Variants in FAM168B observed in about 807,000 individuals in gnomAD.
FAM168B encodes family with sequence similarity 168 member B.
FAM168B carries 19 observed loss-of-function variants against 21.8 expected under a neutral mutation model. The ratio of observed to expected loss-of-function variants is 0.87; its 90% confidence interval spans 0.61 to 1.28. FAM168B has a LOEUF of 1.28. FAM168B is among the 50% of genes most tolerant of loss of function. The pLI is 0.00. For missense variants in FAM168B, 233 were observed against 263.1 expected, an observed-to-expected ratio of 0.89 and a Z score of 0.79; for synonymous variants, 126 against 104.8, an observed-to-expected ratio of 1.20 and a Z score of -1.24.
chr2:131,049,755 T>G lies in FAM168B; in HGVS notation c.*2710A>C. ...TAATTCAGCTGAAGGACTCCCAAATTAGGAATGTCAAACACACAAAAAGCA... is the reference window on the plus strand; with the variant it reads ...TAATTCAGCTGAAGGACTCCCAAATGAGGAATGTCAAACACACAAAAAGCA... On this transcript the variant is annotated 3_prime_UTR_variant, in exon 7 of 7. Coordinates refer to ENST00000389915, the MANE Select transcript of FAM168B (RefSeq NM_001009993.4). 3.0e-6 allele frequency: 3 copies of G among 985,866 alleles called. No individual in the cohort carries two copies. In the African/African-American group the frequency reaches 5.2e-5, roughly 17 times the overall value. The allele number at this position is 985,866 out of a possible 1,614,324, so 61.1% of individuals were successfully genotyped here.
At position 131,049,330 on chromosome 2, in the gene FAM168B, C is replaced by T. The variant is rs1253791232; in HGVS notation, c.*3135G>A. 4 of 985,464 alleles carry T rather than the reference C, an allele frequency of 4.1e-6. No homozygotes were observed. In the African/African-American group the frequency reaches 7.0e-5, roughly 17 times the overall value. The allele number at this position is 985,464 out of a possible 1,614,324, so 61.0% of individuals were successfully genotyped here. ...CCACCCCAAGGCTCAGGACCACCCC[C>T]ATTGCCTGTGAACACATTTGCATAG... is the stretch of plus-strand genomic sequence containing the variant. On this transcript the variant is annotated 3_prime_UTR_variant, in exon 7 of 7. Transcript: ENST00000389915.
rs141092444 is a variant in FAM168B at position 131,072,346 on chromosome 2, A to C, written c.71-408T>G. Among the ~76,000 whole-genome samples the C allele has an allele frequency of 5.7e-3, 849 of 150,214 alleles. 8 individuals carry two copies. Among genetic ancestry groups the C allele is most frequent in the African/African-American group, 0.019 (778 of 40,814 alleles). On this transcript the variant is annotated intron_variant, in intron 2 of 6. Transcript: ENST00000389915. The stretch of plus-strand genomic sequence containing the variant: ...ATCACGTTAGCCAGGCTGGTCTTGA[A>C]CTCCTGATTTCAGTTGATCCACCCG...
At chr2:131,090,082 G>A (rs1314706351) in intron 1 of FAM168B, among the ~76,000 whole-genome samples, 5 of 150,396 alleles carry the variant, frequency 3.3e-5, no homozygotes, top group African/African-American at 1.2e-4. Context: ...CACTTCGGGA[G>A]GCCGACGAGG....
At chr2:131,075,739 C>T (rs778020752) in intron 2 of FAM168B, among the ~76,000 whole-genome samples, 2 of 152,094 alleles carry the variant, frequency 1.3e-5, no homozygotes, top group African/African-American at 4.8e-5. Flanking sequence ...CCGCCCACCC[C>T]GGCCTCCCAA....
Position 131,052,873 on chromosome 2 carries a change from C to A in FAM168B, c.*12+18G>T, listed in dbSNP as rs978489866. 24 of 1,547,936 alleles carry A rather than the reference C, an allele frequency of 1.6e-5. No homozygotes were observed. The Admixed American group carries it at 4.5e-4, about 29-fold the overall frequency. On this transcript the variant is annotated intron_variant, in intron 6 of 6. Coordinates refer to ENST00000389915, the MANE Select transcript of FAM168B (RefSeq NM_001009993.4). ...GCCCTTTCATCAAAGGCTAGCCCAG[C>A]CTTCCCTGGTCACTTACATTTGCAG...
intron 2 of FAM168B, among the ~76,000 whole-genome samples, chr2:131,080,025 G>A (rs1693354975): frequency 6.6e-6 from 1 of 151,954 alleles, no homozygotes; most frequent in Non-Finnish European, 1.5e-5. Flanking sequence ...GCTGAGGCAG[G>A]AGAATCACCT....
Position 131,051,609 on chromosome 2 carries a change from C to A in FAM168B, c.*856G>T. The A allele has an allele frequency of 3.0e-6, 3 of 985,264 alleles. No individual in the cohort carries two copies. Among genetic ancestry groups the A allele is most frequent in the Non-Finnish European group, 3.6e-6 (3 of 829,884 alleles). The allele number at this position is 985,264 out of a possible 1,614,324, so 61.0% of individuals were successfully genotyped here. A position where few individuals can be genotyped will look rare whatever the true frequency, so the allele number is the denominator to read the frequency against. On this transcript the variant is annotated 3_prime_UTR_variant, in exon 7 of 7. Coordinates refer to ENST00000389915, the MANE Select transcript of FAM168B (RefSeq NM_001009993.4). The stretch of plus-strand genomic sequence containing the variant: ...GAAAATAATTTAGTTTTACATAGGA[C>A]TTTTCCAATAAAGACATATAAAAAC...
At chr2:131,065,341 T>C (rs1477293097) in intron 3 of FAM168B, among the ~76,000 whole-genome samples, 1 of 152,188 alleles carries the variant, frequency 6.6e-6, no homozygotes, top group Non-Finnish European at 1.5e-5. Flanking sequence ...CCTCTATGAA[T>C]GTAAACCTTT....
At chr2:131,080,913 G>GC (rs1693401970) in intron 2 of FAM168B, among the ~76,000 whole-genome samples, 1 of 151,806 alleles carries the variant, frequency 6.6e-6, no homozygotes, top group Non-Finnish European at 1.5e-5. Flanking sequence ...CTCATGATCT[G>GC]CCTGCCTCGG....
intron 5 of FAM168B, among the ~76,000 whole-genome samples, chr2:131,053,572 C>T (rs1573746000): frequency 6.6e-6 from 1 of 152,046 alleles, no homozygotes; most frequent in African/African-American, 2.4e-5. Context: ...ACTACTGAAC[C>T]GTACTTAAAA....
chr2:131,050,468 A>C lies in FAM168B; in HGVS notation c.*1997T>G, dbSNP rs1691593417. On this transcript the variant is annotated 3_prime_UTR_variant, in exon 7 of 7. Coordinates refer to ENST00000389915, the MANE Select transcript of FAM168B (RefSeq NM_001009993.4). ...AACAGAGACTTGAAGAAAGGGGCAC[A>C]AACTGTGTGCCTGCGGTAAATGTCT... 2 of 985,866 alleles carry C rather than the reference A, an allele frequency of 2.0e-6. No homozygotes were observed. The highest frequency in any genetic ancestry group is 2.4e-6 in the Non-Finnish European group (2 of 829,946). The allele number at this position is 985,866 out of a possible 1,614,324, so 61.1% of individuals were successfully genotyped here. A position where few individuals can be genotyped will look rare whatever the true frequency, so the allele number is the denominator to read the frequency against.
At chr2:131,086,264 A>G (rs368939185) in intron 1 of FAM168B, among the ~76,000 whole-genome samples, 56 of 152,280 alleles carry the variant, frequency 3.7e-4, no homozygotes, top group African/African-American at 1.2e-3. Context: ...CTGTGCCAGG[A>G]GCTACTAATT....
chr2:131,060,027 A>AC (rs922101978), intron 3 of FAM168B, among the ~76,000 whole-genome samples: 24 of 148,364 alleles, frequency 1.6e-4, no homozygotes, highest in Admixed American at 1.1e-3. Flanking sequence ...GTGAGCAGGA[A>AC]TTTTTTTTTT....
intron 5 of FAM168B, among the ~76,000 whole-genome samples, chr2:131,054,220 T>C (rs1162175752): frequency 2.0e-5 from 3 of 149,438 alleles, no homozygotes; most frequent in Non-Finnish European, 3.0e-5. Flanking sequence ...AAAAAAAATA[T>C]TAAAAATTTT....
At chr2:131,058,558 C>A (rs779830563) in intron 3 of FAM168B, among the ~76,000 whole-genome samples, 1 of 152,210 alleles carries the variant, frequency 6.6e-6, no homozygotes, top group Non-Finnish European at 1.5e-5. Context: ...TCCTCCAGGG[C>A]TCCCTGTATT....
At chr2:131,087,492 A>T (rs1693775719) in intron 1 of FAM168B, among the ~76,000 whole-genome samples, 2 of 152,260 alleles carry the variant, frequency 1.3e-5, no homozygotes, top group African/African-American at 4.8e-5. Context: ...AATAATAATA[A>T]TTAAAGGGCA....
intron 3 of FAM168B, among the ~76,000 whole-genome samples, chr2:131,063,288 C>T (rs1359112683): frequency 6.6e-6 from 1 of 152,084 alleles, no homozygotes; most frequent in Admixed American, 6.5e-5. Context: ...AAAAAGTCAC[C>T]AACGATTTCT....
chr2:131,055,270 A>G lies in FAM168B; in HGVS notation c.475+2T>C. On this transcript the variant is annotated splice_donor_variant, in intron 5 of 6. Coordinates refer to ENST00000389915, the MANE Select transcript of FAM168B (RefSeq NM_001009993.4). LOFTEE classifies it high-confidence loss of function. The stretch of plus-strand genomic sequence containing the variant: ...ACAGACACCGCAGGAACGAGGACTT[A>G]CCTGCTGACATGGCCATGGTGGTCC... 1 of 1,556,196 alleles carries G rather than the reference A, an allele frequency of 6.4e-7. No homozygotes were observed. The highest frequency in any genetic ancestry group is 8.6e-7 in the Non-Finnish European group (1 of 1,157,672).
intron 1 of FAM168B, among the ~76,000 whole-genome samples, chr2:131,091,232 C>G (rs543195991): frequency 2.6e-5 from 4 of 151,880 alleles, no homozygotes; most frequent in African/African-American, 9.7e-5. Context: ...TCAGCTACTC[C>G]GGAGGCTGAG....
Sources: allele counts gnomAD v4.1 joint callset (sites outside exome capture counted in the v4.1 genomes callset), GRCh38; gene constraint gnomAD v4.1.1; transcripts MANE v1.5; gene names NCBI Gene and HGNC (gene_info 2026-07-23, HGNC 2026-07-21).